Variants in PLAG1 observed in about 807,000 individuals in gnomAD.
PLAG1 encodes the protein zinc finger protein PLAG1.
In PLAG1, 7 loss-of-function variants were observed where a neutral mutation model predicts 35.5. The ratio of observed to expected loss-of-function variants is 0.20; its 90% CI spans 0.11 to 0.37. PLAG1 has a LOEUF of 0.37. PLAG1 is among the 10% of genes least tolerant of loss of function. The pLI, the probability that PLAG1 is intolerant of heterozygous loss-of-function variation, is 1.00. For missense variants in PLAG1, 454 were observed against 602.8 expected, an observed-to-expected ratio of 0.75 and a Z score of 2.58; for synonymous variants, 229 against 225.4, an observed-to-expected ratio of 1.02 and a Z score of -0.14.
Position 56,166,342 on chromosome 8 carries a change from G to A in PLAG1, c.1404C>T (p.Asn468=), listed in dbSNP as rs1220306811. The change falls in exon 5 of 5, where the codon AAC becomes AAT. Residue 468 remains asparagine, a synonymous_variant. Transcript: ENST00000316981. ...PQTQDLQDPA[N]TIGLGSLHSL... is the part of the protein sequence containing the mutation. ...AGTGCAGAGACCCAAGCCCTATAGT[G>A]TTTGCAGGATCCTGAAGATCCTGTG... 2 of 1,613,712 alleles carry A rather than the reference G, an allele frequency of 1.2e-6. No homozygotes were observed. The highest frequency in any genetic ancestry group is 2.7e-5 in the African/African-American group (2 of 74,896).
At chr8:56,203,171 G>A (rs1000794451) in intron 1 of PLAG1, among the ~76,000 whole-genome samples, 4 of 151,994 alleles carry the variant, frequency 2.6e-5, no homozygotes, top group Non-Finnish European at 5.9e-5. Flanking sequence ...GCTTAGGAAC[G>A]TCTACAGAAT....
chr8:56,210,212 G>A (rs1812829347), intron 1 of PLAG1, among the ~76,000 whole-genome samples: 1 of 152,214 alleles, frequency 6.6e-6, no homozygotes, highest in African/African-American at 2.4e-5. Context: ...TCAGGGGAAA[G>A]GCGGTACATA....
rs1371400076 is a variant in PLAG1 at position 56,164,932 on chromosome 8, C to A, written c.*1311G>T. ...GGATTTTACTGTATATATTTCTAGTCACTTAAAACTTTGTGGTAGTTCATC... is the reference window on the plus strand; with the variant it reads ...GGATTTTACTGTATATATTTCTAGTAACTTAAAACTTTGTGGTAGTTCATC... On this transcript the variant is annotated 3_prime_UTR_variant, in exon 5 of 5. Transcript: ENST00000316981. 1 of 208,892 alleles carries A rather than the reference C, an allele frequency of 4.8e-6. No individual in the cohort carries two copies. The highest frequency in any genetic ancestry group is 5.9e-5 in the Admixed American group (1 of 16,942). 12.9% of individuals were successfully genotyped at this position (208,892 alleles called of 1,614,324 possible).
intron 2 of PLAG1, among the ~76,000 whole-genome samples, chr8:56,174,635 C>T (rs1323798510): frequency 1.3e-5 from 2 of 152,144 alleles, no homozygotes; most frequent in South Asian, 2.1e-4. Flanking sequence ...CAAGTGCTTA[C>T]CAGCATCACA....
Position 56,166,483 on chromosome 8 carries a change from C to T in PLAG1, c.1263G>A (p.Leu421=), listed in dbSNP as rs1318436812. Residue 421 remains leucine, a synonymous_variant, in exon 5 of 5, where the codon TTG becomes TTA. Transcript: ENST00000316981. The part of the protein sequence containing the change: ...LNTPALDFSQ[L]FNFIPLNGPP... ...GACCATTTAAAGGTATGAAATTAAA[C>T]AACTGAGAAAAATCCAATGCTGGTG... 1 of 1,613,894 alleles carries T rather than the reference C, an allele frequency of 6.2e-7. No homozygotes were observed. The highest frequency in any genetic ancestry group is 1.7e-5 in the Admixed American group (1 of 59,990).
intron 3 of PLAG1, among the ~76,000 whole-genome samples, chr8:56,169,126 TCATCGTTTTTCA>T (rs1474068581): frequency 6.6e-6 from 1 of 152,226 alleles, no homozygotes; most frequent in Non-Finnish European, 1.5e-5. Flanking sequence ...GTAATTTTCC[TCATCGTTTTTCA>T]CATCACAAAA....
At chr8:56,208,264 T>C (rs1473829430) in intron 1 of PLAG1, among the ~76,000 whole-genome samples, 1 of 152,166 alleles carries the variant, frequency 6.6e-6, no homozygotes, top group African/African-American at 2.4e-5. Context: ...CTTAATGGCA[T>C]TCTGAAACCT....
At position 56,164,972 on chromosome 8, in the gene PLAG1, T is replaced by C; in HGVS notation, c.*1271A>G. The stretch of plus-strand genomic sequence containing the variant: ...GGTAGTTCATCAGGTAGTTTTCTAA[T>C]GCATTTAACTTCAAATTCTCCATCC... On this transcript the variant is annotated 3_prime_UTR_variant, in exon 5 of 5. Transcript: ENST00000316981. The C allele has an allele frequency of 4.8e-6, 1 of 207,116 alleles. No individual in the cohort carries two copies. The highest frequency in any genetic ancestry group is 2.3e-5 in the African/African-American group (1 of 44,038). The allele number at this position is 207,116 out of a possible 1,614,324, so 12.8% of individuals were successfully genotyped here. A position where few individuals can be genotyped will look rare whatever the true frequency, so the allele number is the denominator to read the frequency against.
rs1343010890 is a variant in PLAG1 at position 56,160,988 on chromosome 8, C to T, written c.*5255G>A. On this transcript the variant is annotated 3_prime_UTR_variant, in exon 5 of 5. Transcript: ENST00000316981. ...CTTACAGCAAACATAACACTGTAGG[C>T]CACAAGAAGCTGCAGTACTATTATT... The T allele has an allele frequency of 5.6e-6, 1 of 179,814 alleles. No homozygotes were observed. The highest frequency in any genetic ancestry group is 1.2e-5 in the Non-Finnish European group (1 of 83,964). The allele number at this position is 179,814 out of a possible 1,614,324, so 11.1% of individuals were successfully genotyped here.
chr8:56,180,026 G>C (rs1811819123), intron 1 of PLAG1, among the ~76,000 whole-genome samples: 1 of 152,094 alleles, frequency 6.6e-6, no homozygotes, highest in African/African-American at 2.4e-5. Flanking sequence ...CAATTTCTGA[G>C]CTCTTGAATT....
At chr8:56,210,111 T>C (rs1812823029) in intron 1 of PLAG1, among the ~76,000 whole-genome samples, 1 of 152,042 alleles carries the variant, frequency 6.6e-6, no homozygotes, top group African/African-American at 2.4e-5. Flanking sequence ...TTTCTCATTG[T>C]CGGTTGAGTT....
intron 1 of PLAG1, among the ~76,000 whole-genome samples, chr8:56,186,127 G>A (rs1812010295): frequency 6.6e-6 from 1 of 152,198 alleles, no homozygotes; most frequent in South Asian, 2.1e-4. Context: ...CAGGAGACAA[G>A]AAGGGTGAAG....
At chr8:56,191,390 G>A (rs1386116319) in intron 1 of PLAG1, among the ~76,000 whole-genome samples, 3 of 152,174 alleles carry the variant, frequency 2.0e-5, no homozygotes, top group African/African-American at 7.2e-5. Flanking sequence ...GGCAGAGGAC[G>A]CGAGCCTGTG....
At chr8:56,191,275 G>A (rs1298211138) in intron 1 of PLAG1, among the ~76,000 whole-genome samples, 3 of 152,166 alleles carry the variant, frequency 2.0e-5, no homozygotes, top group African/African-American at 7.2e-5. Flanking sequence ...AGGAGCCAGC[G>A]GTGGCAGCAG....
At position 56,191,539 on chromosome 8, in the gene PLAG1, G is replaced by C. The variant is rs113507266; in HGVS notation, c.-321-12026C>G. Among the ~76,000 whole-genome samples, 267 of 152,194 alleles carry C rather than the reference G, an allele frequency of 1.8e-3. 3 individuals carry two copies. Among genetic ancestry groups the C allele is most frequent in the African/African-American group, 6.1e-3 (255 of 41,502 alleles). On this transcript the variant is annotated intron_variant, in intron 1 of 4. Coordinates refer to ENST00000316981, the MANE Select transcript of PLAG1 (RefSeq NM_002655.3). ...TCAGAGCACTTCGATGATGACTTTT[G>C]GAGTTCTAATACTTTAGATTCTCAA...
Position 56,167,481 on chromosome 8 carries a change from CAGG to C in PLAG1, c.262_264del (p.Pro88del). 1 of 1,609,932 alleles carries C rather than the reference CAGG, an allele frequency of 6.2e-7. No individual in the cohort carries two copies. The highest frequency in any genetic ancestry group is 1.3e-5 in the African/African-American group (1 of 74,946). ...CAATAATTACACTTGTGGGTTTTCT[CAGG>C]AGAATGAGTAGCCATGTGCCTTTAA... is the stretch of plus-strand genomic sequence containing the variant. On this transcript the variant is annotated inframe_deletion, in exon 5 of 5. Coordinates refer to ENST00000316981, the MANE Select transcript of PLAG1 (RefSeq NM_002655.3). This position sits in a 1 kb window ranked among gnomAD's most constrained non-coding sequence, Gnocchi z 5.9.
chr8:56,175,159 G>A (rs1811648443), intron 2 of PLAG1, among the ~76,000 whole-genome samples: 1 of 152,156 alleles, frequency 6.6e-6, no homozygotes, highest in Non-Finnish European at 1.5e-5. Context: ...TAAAACAATA[G>A]CAATTGTAAT....
At chr8:56,187,787 T>C (rs1473358751) in intron 1 of PLAG1, among the ~76,000 whole-genome samples, 2 of 152,160 alleles carry the variant, frequency 1.3e-5, no homozygotes, top group Non-Finnish European at 2.9e-5. Context: ...TGATATTTGG[T>C]GAAGTAGCAT....
intron 1 of PLAG1, among the ~76,000 whole-genome samples, chr8:56,191,355 C>A (rs2129231063): frequency 6.6e-6 from 1 of 152,244 alleles, no homozygotes; most frequent in African/African-American, 2.4e-5. Context: ...GAGACAAAGT[C>A]AGCAGGAGCA....
Sources: gnomAD v4.1 joint callset for allele counts (sites outside exome capture counted in the v4.1 genomes callset) on GRCh38, gnomAD v4.1.1 for gene constraint, Gnocchi (gnomAD v3.1) non-coding constraint, MANE v1.5 for transcripts, NCBI Gene and HGNC (gene_info 2026-07-23, HGNC 2026-07-21) for gene names.